AMZ1: variants seen among roughly 807,000 people sequenced by gnomAD.
AMZ1 encodes the protein archaelysin family metallopeptidase 1.
In AMZ1, 39 loss-of-function variants were observed where a neutral mutation model predicts 29.9. The ratio of observed to expected loss-of-function variants is 1.30; its 90% CI spans 1.01 to 1.70. AMZ1 has a LOEUF of 1.70. Among genes scored for constraint, AMZ1 ranks in the 40% most tolerant of loss-of-function variants. The probability of loss-of-function intolerance (pLI) is 0.00; values close to 1 mark genes in which losing one functional copy is unlikely to be tolerated. For missense variants in AMZ1, 1,041 were observed against 680.6 expected (o/e 1.53, Z -5.89); for synonymous variants, 458 against 304.0 (o/e 1.51, Z -5.27).
chr7:2,755,983 A>C (rs754198658), intron 4 of AMZ1, among the ~76,000 whole-genome samples: 5 of 152,238 alleles, frequency 3.3e-5, no homozygotes, highest in Admixed American at 6.5e-5. Context: ...TTTAAAATTT[A>C]TCTCTTCAAA....
At chr7:2,681,921 C>T (rs1363389102) in intron 1 of AMZ1, among the ~76,000 whole-genome samples, 2 of 25,198 alleles carry the variant, frequency 7.9e-5, no homozygotes, top group Non-Finnish European at 1.4e-4. Context: ...CCCCTCCCTC[C>T]CAGTCCCCCA....
chr7:2,705,408 A>C (rs1335654643), intron 3 of AMZ1, among the ~76,000 whole-genome samples: 2 of 152,084 alleles, frequency 1.3e-5, no homozygotes, highest in Non-Finnish European at 2.9e-5. Context: ...TTAGATAGTA[A>C]AATTCATCCT....
At chr7:2,762,844 C>G, upstream of AMZ1, 1 of 1,487,608 alleles carries the variant, frequency 6.7e-7, no homozygotes. Flanking sequence ...CAGCGCGGCT[C>G]CGAAGCAGGA....
chr7:2,725,262 A>G (rs1450376839), intron 4 of AMZ1, among the ~76,000 whole-genome samples: 1 of 152,218 alleles, frequency 6.6e-6, no homozygotes, highest in Non-Finnish European at 1.5e-5. Context: ...AGCCATGGCC[A>G]TGGCCTGCGG....
intron 6 of AMZ1, among the ~76,000 whole-genome samples, chr7:2,712,026 AAC>A (rs1344649764): frequency 6.6e-6 from 1 of 150,452 alleles, no homozygotes; most frequent in East Asian, 1.9e-4. Context: ...CAGCCTGGCC[AAC>A]AGAGTGAGCC....
chr7:2,708,555 T>C, intron 3 of AMZ1, 33 bp from the exon 4 acceptor site: 2 of 1,610,030 alleles, frequency 1.2e-6, no homozygotes, highest in Non-Finnish European at 1.7e-6. Context: ...CCCGGCTGCC[T>C]CCTGACCCCA....
In AMZ1 at chr7:2,717,443, G is replaced by T. The variant is rs959641243; in HGVS notation, c.*4565G>T. Among the ~76,000 whole-genome samples the T allele has an allele frequency of 1.3e-5, 2 of 152,224 alleles. No individual in the cohort carries two copies. Among genetic ancestry groups the T allele is most frequent in the Non-Finnish European group, 2.9e-5 (2 of 68,040 alleles). On this transcript the variant is annotated 3_prime_UTR_variant, in exon 7 of 7. Coordinates refer to ENST00000683327, the MANE Select transcript of AMZ1 (RefSeq NM_001384743.1). ...GCTGCCGTCCTGGGAGAGGCCCCGG[G>T]AACCGGCTCGCCCTGTACCCAAGGG...
intron 1 of AMZ1, among the ~76,000 whole-genome samples, chr7:2,693,831 A>G (rs1415536976): frequency 6.6e-6 from 1 of 152,240 alleles, no homozygotes; most frequent in Non-Finnish European, 1.5e-5. Context: ...CTGAGAATGC[A>G]GGCATGGGCC....
chr7:2,727,037 TTAAAAA>T (rs1195288699), intron 4 of AMZ1, among the ~76,000 whole-genome samples: 4 of 152,224 alleles, frequency 2.6e-5, no homozygotes, highest in Non-Finnish European at 4.4e-5. Context: ...ATGCCATGCT[TTAAAAA>T]TAAAAAGTGT....
upstream of AMZ1, chr7:2,762,615 G>A (rs192674383): frequency 1.7e-4 from 257 of 1,546,338 alleles, no homozygotes; most frequent in African/African-American, 3.0e-3. Context: ...ATCCCCTTCC[G>A]GATAAGACCC....
intron 4 of AMZ1, among the ~76,000 whole-genome samples, chr7:2,740,138 T>G (rs1244726997): frequency 6.6e-6 from 1 of 152,154 alleles, no homozygotes; most frequent in Non-Finnish European, 1.5e-5. Flanking sequence ...GCCATCCTAC[T>G]AGCTGTGAAA....
intron 4 of AMZ1, among the ~76,000 whole-genome samples, chr7:2,741,229 C>A (rs208354): frequency 0.12 from 17,703 of 152,184 alleles, 1,777 homozygotes; most frequent in East Asian, 0.56. Context: ...GGCACGCACA[C>A]CTGTGGTCTC....
intron 2 of AMZ1, 110 bp downstream of exon 2, chr7:2,700,865 G>C: frequency 7.1e-7 from 1 of 1,405,546 alleles, no homozygotes; most frequent in Non-Finnish European, 9.6e-7. Flanking sequence ...TGAGGGAAGA[G>C]GGTCCTGGGT....
intron 4 of AMZ1, among the ~76,000 whole-genome samples, chr7:2,740,085 AT>A (rs1170578629): frequency 6.6e-6 from 1 of 152,060 alleles, no homozygotes; most frequent in Non-Finnish European, 1.5e-5. Context: ...ATTTATCCAC[AT>A]CCTTGCCAAC....
Position 2,700,367 on chromosome 7 carries a change from T to G in AMZ1, c.-85T>G. 3.4e-6 allele frequency: 5 copies of G among 1,483,894 alleles called. No homozygotes were observed. Among genetic ancestry groups the G allele is most frequent in the Non-Finnish European group, 4.5e-6 (5 of 1,107,402 alleles). The allele number at this position is 1,483,894 out of a possible 1,614,324, so 91.9% of individuals were successfully genotyped here. On this transcript the variant is annotated 5_prime_UTR_variant, in exon 2 of 7. It adds an upstream start codon to the 5' untranslated region. Coordinates refer to ENST00000683327, the MANE Select transcript of AMZ1 (RefSeq NM_001384743.1). ...CACTCGGATCAGCCCGAGGGAAGAT[T>G]CTGGACGAGACCGTGGCCGTCCCCC...
upstream of AMZ1, among the ~76,000 whole-genome samples, chr7:2,761,007 A>C (rs17132663): frequency 0.033 from 4,984 of 152,312 alleles, 203 homozygotes; most frequent in African/African-American, 0.095. Flanking sequence ...GTTCATGGGT[A>C]GTTTTGGGAC....
chr7:2,696,479 G>C (rs369833562), intron 1 of AMZ1, among the ~76,000 whole-genome samples: 150 of 150,522 alleles, frequency 1.0e-3, no homozygotes, highest in African/African-American at 3.0e-3. Context: ...GGATGGTCTC[G>C]ATCTCCTGAC....
At chr7:2,705,087 G>C (rs868549904) in intron 3 of AMZ1, among the ~76,000 whole-genome samples, 2 of 152,224 alleles carry the variant, frequency 1.3e-5, no homozygotes, top group African/African-American at 4.8e-5. Flanking sequence ...ATTTTTGATT[G>C]TTAGTTACGC....
intron 1 of AMZ1, among the ~76,000 whole-genome samples, chr7:2,680,097 A>G (rs1215907251): frequency 6.6e-6 from 1 of 152,144 alleles, no homozygotes; most frequent in Non-Finnish European, 1.5e-5. Context: ...TGGGGAGTCT[A>G]TAGCCGGCCT....
Sources: allele counts gnomAD v4.1 joint callset (sites outside exome capture counted in the v4.1 genomes callset), GRCh38; gene constraint gnomAD v4.1.1; transcripts MANE v1.5; gene names NCBI Gene and HGNC (gene_info 2026-07-23, HGNC 2026-07-21).